The following ITIH3 variants were observed in gnomAD, a reference collection of about 807,000 sequenced individuals.
ITIH3 encodes inter-alpha-trypsin inhibitor heavy chain 3.
ITIH3 carries 81 observed loss-of-function variants against 96.5 expected under a neutral mutation model. The ratio of observed to expected loss-of-function variants is 0.84; its 90% CI spans 0.70 to 1.01. The LOEUF (loss-of-function observed/expected upper bound fraction) is 1.01. Ranked by LOEUF, ITIH3 falls within the 50% of genes least tolerant of loss-of-function variation. The probability of loss-of-function intolerance (pLI) is 0.00; values close to 1 mark genes in which losing one functional copy is unlikely to be tolerated. For missense variants in ITIH3, 1,057 were observed against 1,139.3 expected (o/e 0.93, Z 1.04); for synonymous variants, 422 against 445.2 (o/e 0.95, Z 0.66).
intron 11 of ITIH3, 43 bp downstream of exon 11, chr3:52,801,189 A>G (rs1389440165): frequency 2.1e-6 from 3 of 1,460,468 alleles, no homozygotes; most frequent in Admixed American, 5.3e-5. Flanking sequence ...GGAGCTCACT[A>G]CTTCCTCAGA....
At chr3:52,800,876 A>C in intron 10 of ITIH3, 89 bp from the exon 11 acceptor site, 17 of 1,549,602 alleles carry the variant, frequency 1.1e-5, no homozygotes, top group Non-Finnish European at 1.2e-5. Flanking sequence ...GCAACTCTGC[A>C]TGTGCAGGAG....
In ITIH3 at chr3:52,806,145, C is replaced by A. The variant is rs1461305471; in HGVS notation, c.1942+7C>A. ...CAAAACCCCTACTACTATGGTGAGT[C>A]CCTGGCTGCTCCTCGGGAAGGCTCA... On this transcript the variant is annotated splice_region_variant and intron_variant, in intron 17 of 21. Transcript: ENST00000449956. 1.9e-6 allele frequency: 3 copies of A among 1,602,068 alleles called. No individual in the cohort carries two copies. Among genetic ancestry groups the A allele is most frequent in the Non-Finnish European group, 2.6e-6 (3 of 1,174,290 alleles).
chr3:52,802,888 G>T, intron 13 of ITIH3, 82 bp downstream of exon 13: 1 of 1,511,268 alleles, frequency 6.6e-7, no homozygotes. Context: ...AGTCCCAGCG[G>T]TCCTGCCCTC....
chr3:52,797,092 G>T lies in ITIH3; in HGVS notation c.387-13G>T. The T allele has an allele frequency of 1.1e-5, 17 of 1,605,088 alleles. No homozygotes were observed. The highest frequency in any genetic ancestry group is 1.4e-5 in the Non-Finnish European group (17 of 1,176,664). On this transcript the variant is annotated splice_polypyrimidine_tract_variant and intron_variant, in intron 4 of 21. Transcript: ENST00000449956. ...CAGTCTTTGAGGGAGTCACCATCTC[G>T]CACCCTGGTCAGGGCCTCTGGGAGG...
intron 13 of ITIH3, 129 bp from the exon 14 acceptor site, chr3:52,803,726 G>A (rs1699932452): frequency 9.8e-7 from 1 of 1,017,294 alleles, no homozygotes; most frequent in Non-Finnish European, 1.4e-6. Context: ...CAACTGGGCT[G>A]TACCCTGGGG....
Position 52,804,249 on chromosome 3 carries a change from C to A in ITIH3, c.1864+240C>A, listed in dbSNP as rs149573360. On this transcript the variant is annotated intron_variant, in intron 14 of 21. Transcript: ENST00000449956. ...TCTAAAGGGAAGTGAGTAAAGGGGGCACACTGCCCATGGGGCATTTCAAGG... is the reference window on the plus strand; with the variant it reads ...TCTAAAGGGAAGTGAGTAAAGGGGGAACACTGCCCATGGGGCATTTCAAGG... 4.5e-4 allele frequency: 251 copies of A among 558,362 alleles called. 2 individuals are homozygous for A. The highest frequency in any genetic ancestry group is 1.9e-3 in the Middle Eastern group (4 of 2,080). The allele number at this position is 558,362 out of a possible 1,614,324, so 34.6% of individuals were successfully genotyped here.
intron 11 of ITIH3, among the ~76,000 whole-genome samples, chr3:52,801,668 T>C (rs1331638261): frequency 6.6e-6 from 1 of 152,216 alleles, no homozygotes; most frequent in Non-Finnish European, 1.5e-5. Context: ...TGGATGTCTG[T>C]GTCCAACTCC....
Position 52,799,355 on chromosome 3 carries a change from C to T in ITIH3, c.790-17C>T. ...GCTAAAAGGACACCGGCCTCCGTCC[C>T]TCTCCCCACTTTCCAGATAGTCAAT... On this transcript the variant is annotated splice_polypyrimidine_tract_variant and intron_variant, in intron 7 of 21. Transcript: ENST00000449956. 1 of 1,562,624 alleles carries T rather than the reference C, an allele frequency of 6.4e-7. No homozygotes were observed.
At chr3:52,806,499 GC>G in intron 18 of ITIH3, 93 bp downstream of exon 18, 1 of 902,712 alleles carries the variant, frequency 1.1e-6, no homozygotes, top group Non-Finnish European at 1.7e-6. Flanking sequence ...TTCTCACTCT[GC>G]CCAGTAAGGC....
chr3:52,802,794 T>G lies in ITIH3; in HGVS notation c.1697T>G (p.Leu566Arg). 6.2e-7 allele frequency: 1 copy of G among 1,613,982 alleles called. No individual in the cohort carries two copies. Among genetic ancestry groups the G allele is most frequent in the Non-Finnish European group, 8.5e-7 (1 of 1,179,860 alleles). Residue 566 changes from leucine to arginine, a missense_variant, in exon 13 of 22, where the codon CTG becomes CGG. Coordinates refer to ENST00000449956, the MANE Select transcript of ITIH3 (RefSeq NM_002217.4). ...TGGGCCTACCTCACCATTGAGCAGC[T>G]GCTGGAGAAGCGGTGAGCAGAGTCC... Reference protein sequence around the residue: ...RLWAYLTIEQLLEKRKNAHGE... With the variant: ...RLWAYLTIEQRLEKRKNAHGE...
chr3:52,806,004 A>G, intron 16 of ITIH3, 99 bp from the exon 17 acceptor site: 1 of 1,379,558 alleles, frequency 7.2e-7, no homozygotes, highest in South Asian at 1.6e-5. Flanking sequence ...GCGAGCGGGA[A>G]GGGGAGGGGA....
chr3:52,804,004 G>T lies in ITIH3; in HGVS notation c.1859G>T (p.Gly620Val). The T allele has an allele frequency of 6.2e-7, 1 of 1,612,598 alleles. No homozygotes were observed. The highest frequency in any genetic ancestry group is 8.5e-7 in the Non-Finnish European group (1 of 1,179,340). Reference sequence around the variant, plus strand: ...GAGAGGGCCATTGCCGACAAGCCTGGGGAAGGTGGGGATAGGGATGGAGGC... The same window carrying T: ...GAGAGGGCCATTGCCGACAAGCCTGTGGAAGGTGGGGATAGGGATGGAGGC... Reference protein sequence around the residue: ...EDERAIADKPGEDAEATPVSP... With the variant: ...EDERAIADKPVEDAEATPVSP... The change falls in exon 14 of 22, where the codon GGG becomes GTG. Residue 620 changes from glycine to valine, a missense_variant. Transcript: ENST00000449956.
chr3:52,808,791 G>A lies in ITIH3; in HGVS notation c.*110G>A, dbSNP rs949759271. 3.3e-5 allele frequency: 45 copies of A among 1,348,696 alleles called. No individual in the cohort carries two copies. In the Admixed American group the frequency reaches 5.0e-4, roughly 15 times the overall value. The allele number at this position is 1,348,696 out of a possible 1,614,324, so 83.5% of individuals were successfully genotyped here. On this transcript the variant is annotated 3_prime_UTR_variant, in exon 22 of 22. Coordinates refer to ENST00000449956, the MANE Select transcript of ITIH3 (RefSeq NM_002217.4). ...GGCTGGGAAAATAAAGTCCAAGGTC[G>A]AGACCAGACAGCTGCCAGCCTCTAC... is the stretch of plus-strand genomic sequence containing the variant.
chr3:52,806,258 C>T (rs372982513), intron 17 of ITIH3, 35 bp from the exon 18 acceptor site: 8 of 1,605,612 alleles, frequency 5.0e-6, no homozygotes, highest in African/African-American at 2.7e-5. Context: ...GATGAGAGGC[C>T]CCGGGAGTCA....
intron 2 of ITIH3, chr3:52,795,967 C>T (rs954952143): frequency 2.1e-5 from 7 of 326,776 alleles, no homozygotes; most frequent in Non-Finnish European, 2.8e-5. Flanking sequence ...GGGGCTGGAA[C>T]ACCTCCCTAG....
intron 9 of ITIH3, 75 bp from the exon 10 acceptor site, chr3:52,800,463 C>T: frequency 6.5e-7 from 1 of 1,529,824 alleles, no homozygotes; most frequent in Non-Finnish European, 8.8e-7. Flanking sequence ...CTGTCCCGGC[C>T]TCCTCCGCTC....
chr3:52,804,757 G>T, intron 15 of ITIH3, 23 bp downstream of exon 15: 1 of 1,586,218 alleles, frequency 6.3e-7, no homozygotes, highest in Non-Finnish European at 8.6e-7. Context: ...CCAGCCACCG[G>T]GTTGGGCATT....
intron 16 of ITIH3, 40 bp from the exon 17 acceptor site, chr3:52,806,063 C>A (rs1700030717): frequency 1.3e-6 from 2 of 1,584,044 alleles, no homozygotes; most frequent in Non-Finnish European, 1.7e-6. Flanking sequence ...CTCCCAGGGC[C>A]ACTTGCTTAG....
In ITIH3 at chr3:52,807,124, T is replaced by C. The variant is rs1246606871; in HGVS notation, c.2261+19T>C. ...AGGATGGGTAAGCTCCCCTACAAGG[T>C]CTCCAAGGTGGACTACAGGGTGAGA... On this transcript the variant is annotated intron_variant, in intron 19 of 21. Coordinates refer to ENST00000449956, the MANE Select transcript of ITIH3 (RefSeq NM_002217.4). The C allele has an allele frequency of 6.4e-7, 1 of 1,567,932 alleles. No homozygotes were observed. Among genetic ancestry groups the C allele is most frequent in the East Asian group, 2.4e-5 (1 of 42,336 alleles).
Sources: allele counts gnomAD v4.1 joint callset (sites outside exome capture counted in the v4.1 genomes callset), GRCh38; gene constraint gnomAD v4.1.1; transcripts MANE v1.5; gene names NCBI Gene and HGNC (gene_info 2026-07-23, HGNC 2026-07-21).